The following VSIG10 variants were observed in gnomAD, a reference collection of about 807,000 sequenced individuals.
VSIG10 encodes V-set and immunoglobulin domain containing 10.
A neutral mutation model predicts 58.7 loss-of-function variants in VSIG10; 48 were observed. The observed-to-expected ratio is 0.82, with a 90% CI of 0.65 to 1.04. The LOEUF is 1.04. Ranked by LOEUF, VSIG10 falls within the 50% of genes least tolerant of loss-of-function variation. The probability of loss-of-function intolerance (pLI) is 0.00; values close to 1 mark genes in which losing one functional copy is unlikely to be tolerated. For synonymous variants in VSIG10, 260 were observed against 267.1 expected, an observed-to-expected ratio of 0.97 and a Z score of 0.26; for missense variants, 628 against 670.0, an observed-to-expected ratio of 0.94 and a Z score of 0.69.
At chr12:118,067,039 C>T (rs1193387434) in intron 8 of VSIG10, among the ~76,000 whole-genome samples, 2 of 151,930 alleles carry the variant, frequency 1.3e-5, no homozygotes, top group East Asian at 1.9e-4. Context: ...CACACCTCTC[C>T]GGGCTCTTAT....
Position 118,103,633 on chromosome 12 carries a change from G to A in VSIG10, c.39C>T (p.Leu13=), listed in dbSNP as rs1010817020. 5 of 1,511,854 alleles carry A rather than the reference G, an allele frequency of 3.3e-6. No individual in the cohort carries two copies. Among genetic ancestry groups the A allele is most frequent in the African/African-American group, 2.9e-5 (2 of 69,678 alleles). The allele number at this position is 1,511,854 out of a possible 1,614,324, so 93.7% of individuals were successfully genotyped here. The change falls in exon 1 of 9, where the codon CTC becomes CTT. Residue 13 remains leucine, a synonymous_variant. Coordinates refer to ENST00000359236, the MANE Select transcript of VSIG10 (RefSeq NM_019086.6). ...CGGCCAGGAGCGCCCCGAGGCAGAC[G>A]AGGACGCGGGGCTCGGGCGCACTGC... ...AGGSAPEPRV[L]VCLGALLAGW... is the part of the protein sequence containing the mutation.
In VSIG10 at chr12:118,082,366, T is replaced by C; in HGVS notation, c.425A>G (p.Tyr142Cys). Reference protein sequence around the residue: ...ATGTLPNGTLYAARGSQVDFS... With the variant: ...ATGTLPNGTLCAARGSQVDFS... ...GTCCACCTGGGAGCCCCTGGCTGCGTAGAGGGTGCCGTTGGGGAGTGTGCC... is the reference window on the plus strand; with the variant it reads ...GTCCACCTGGGAGCCCCTGGCTGCGCAGAGGGTGCCGTTGGGGAGTGTGCC... The change falls in exon 3 of 9, where the codon TAC (tyrosine) becomes TGC (cysteine). Residue 142 changes from tyrosine to cysteine, a missense_variant. Transcript: ENST00000359236. The C allele has an allele frequency of 1.2e-6, 2 of 1,613,934 alleles. No homozygotes were observed. The highest frequency in any genetic ancestry group is 2.2e-5 in the East Asian group (1 of 44,882).
At chr12:118,089,041 C>G (rs1265976799) in intron 2 of VSIG10, among the ~76,000 whole-genome samples, 5 of 152,030 alleles carry the variant, frequency 3.3e-5, no homozygotes, top group African/African-American at 4.8e-5. Flanking sequence ...TCCGCCCTCC[C>G]CGGTTGAAGC....
chr12:118,091,491 C>CA (rs34366147), intron 2 of VSIG10, among the ~76,000 whole-genome samples: 16,467 of 106,738 alleles, frequency 0.15, 1,104 homozygotes, highest in South Asian at 0.23. Flanking sequence ...GACTCTGTCT[C>CA]AAAAAAAAAA....
chr12:118,096,691 G>A (rs549267175), intron 1 of VSIG10, among the ~76,000 whole-genome samples: 1 of 151,262 alleles, frequency 6.6e-6, no homozygotes, highest in African/African-American at 2.4e-5. Flanking sequence ...AAAGTGCTGG[G>A]ATTACAGGCA....
In VSIG10 at chr12:118,065,408, C is replaced by T. The variant is rs1277648625; in HGVS notation, c.*1231G>A. On this transcript the variant is annotated 3_prime_UTR_variant, in exon 9 of 9. Transcript: ENST00000359236. ...CAAAATGTAGTTATAATGAAAGGCA[C>T]TTCCTATTACCAGCTCCCTAACTCT... The T allele has an allele frequency of 2.0e-5, 3 of 152,246 alleles. No individual in the cohort carries two copies. The highest frequency in any genetic ancestry group is 4.4e-5 in the Non-Finnish European group (3 of 68,042). The allele number at this position is 152,246 out of a possible 1,614,324, so 9.4% of individuals were successfully genotyped here.
At chr12:118,084,814 T>TCGAA (rs1410509626) in intron 2 of VSIG10, among the ~76,000 whole-genome samples, 3 of 152,018 alleles carry the variant, frequency 2.0e-5, no homozygotes, top group Admixed American at 6.6e-5. Context: ...GGTCAGGAGA[T>TCGAA]CGAGACCATC....
intron 4 of VSIG10, 132 bp downstream of exon 4, chr12:118,079,214 G>A: frequency 3.1e-6 from 4 of 1,299,244 alleles, no homozygotes; most frequent in Non-Finnish European, 4.1e-6. Context: ...GAAAAAGAAA[G>A]GGAGAAAGGG....
Position 118,066,141 on chromosome 12 carries a change from G to A in VSIG10, c.*498C>T, listed in dbSNP as rs142144474. The A allele has an allele frequency of 8.1e-5, 13 of 160,836 alleles. No homozygotes were observed. Among genetic ancestry groups the A allele is most frequent in the East Asian group, 1.9e-4 (1 of 5,376 alleles). 10.0% of individuals were successfully genotyped at this position (160,836 alleles called of 1,614,324 possible). On this transcript the variant is annotated 3_prime_UTR_variant, in exon 9 of 9. Coordinates refer to ENST00000359236, the MANE Select transcript of VSIG10 (RefSeq NM_019086.6). ...AAGGAGCTGATATTTGCAAGGTGCCGTGGCTGAGGCAGGAGAATCGCTTGA... is the reference window on the plus strand; with the variant it reads ...AAGGAGCTGATATTTGCAAGGTGCCATGGCTGAGGCAGGAGAATCGCTTGA...
At chr12:118,095,923 C>CTT (rs1030344556) in intron 1 of VSIG10, 109 bp from the exon 2 acceptor site, 32,496 of 746,164 alleles carry the variant, frequency 0.044, 30 homozygotes, top group Non-Finnish European at 0.047. Context: ...GGTATATGTT[C>CTT]TTTTTTTTTT....
intron 2 of VSIG10, among the ~76,000 whole-genome samples, chr12:118,086,908 G>A (rs1460848388): frequency 6.6e-6 from 1 of 152,066 alleles, no homozygotes; most frequent in Non-Finnish European, 1.5e-5. Context: ...TGACAGGCGT[G>A]TGTCACCACG....
intron 7 of VSIG10, 54 bp downstream of exon 7, chr12:118,070,998 A>T: frequency 6.3e-7 from 1 of 1,586,168 alleles, no homozygotes. Context: ...AACAAAACAG[A>T]AGTGAAGACA....
intron 5 of VSIG10, among the ~76,000 whole-genome samples, chr12:118,071,676 A>G (rs2032499523): frequency 6.6e-6 from 1 of 152,236 alleles, no homozygotes; most frequent in Non-Finnish European, 1.5e-5. Context: ...ATGTGAACAA[A>G]CAATGGAAAG....
At chr12:118,097,653 G>A (rs1169604528) in intron 1 of VSIG10, among the ~76,000 whole-genome samples, 1 of 150,680 alleles carries the variant, frequency 6.6e-6, no homozygotes, top group African/African-American at 2.4e-5. Context: ...CAAAAGGCCG[G>A]GCTCCACGCC....
rs762959785 is a variant in VSIG10, at chr12:118,071,488, C to G, written c.1220-19G>C. The stretch of plus-strand genomic sequence containing the variant: ...AAAGGTTCTGTAAAGACAAATCACA[C>G]CATTGATTCTTCCATCAGATATGTG... On this transcript the variant is annotated intron_variant, in intron 5 of 8. Coordinates refer to ENST00000359236, the MANE Select transcript of VSIG10 (RefSeq NM_019086.6). 2 of 1,600,948 alleles carry G rather than the reference C, an allele frequency of 1.2e-6. No individual in the cohort carries two copies. The highest frequency in any genetic ancestry group is 2.2e-5 in the South Asian group (2 of 90,808).
intron 1 of VSIG10, among the ~76,000 whole-genome samples, chr12:118,099,403 G>T (rs1045366708): frequency 6.6e-6 from 1 of 152,032 alleles, no homozygotes; most frequent in Admixed American, 6.6e-5. Flanking sequence ...CCTCGGGCTC[G>T]CAAAGTGGTG....
In VSIG10 at chr12:118,095,620, ATT is replaced by A; in HGVS notation, c.272_273del (p.Glu91ValfsTer7). The A allele has an allele frequency of 6.2e-7, 1 of 1,613,924 alleles. No individual in the cohort carries two copies. The highest frequency in any genetic ancestry group is 8.5e-7 in the Non-Finnish European group (1 of 1,179,878). On this transcript the variant is annotated frameshift_variant, in exon 2 of 9. Coordinates refer to ENST00000359236, the MANE Select transcript of VSIG10 (RefSeq NM_019086.6). LOFTEE classifies it high-confidence loss of function. ...ATTCCCTCATCTCCCAGGCTCAGCG[ATT>A]CAATGTGCAGGGAGGTGGCATCCAC... ...SLVDATSLHIESLSLGDEGIY... is the reference protein window; with the variant it reads ...SLVDATSLHIXSLSLGDEGIY...
At chr12:118,095,494 A>G in intron 2 of VSIG10, 39 bp downstream of exon 2, 1 of 1,608,636 alleles carries the variant, frequency 6.2e-7, no homozygotes, top group Non-Finnish European at 8.5e-7. Context: ...CAAGGCTCCG[A>G]GCACCTCTCC....
At chr12:118,067,679 C>T (rs1004281824) in intron 8 of VSIG10, among the ~76,000 whole-genome samples, 6 of 152,154 alleles carry the variant, frequency 3.9e-5, no homozygotes, top group Middle Eastern at 3.4e-3. Flanking sequence ...CCAGGCTGGT[C>T]TCAAACTCCT....
Sources: allele counts gnomAD v4.1 joint callset (sites outside exome capture counted in the v4.1 genomes callset), GRCh38; gene constraint gnomAD v4.1.1; transcripts MANE v1.5; gene names NCBI Gene and HGNC (gene_info 2026-07-23, HGNC 2026-07-21).